The following MINDY4 variants were observed in gnomAD, a reference collection of about 807,000 sequenced individuals.
MINDY4 encodes MINDY lysine 48 deubiquitinase 4, also known as probable ubiquitin carboxyl-terminal hydrolase MINDY-4.
In MINDY4, 68 loss-of-function variants were observed where a neutral mutation model predicts 87.0. The ratio of observed to expected loss-of-function variants is 0.78; its 90% CI spans 0.64 to 0.96. MINDY4 has a LOEUF of 0.96. MINDY4 is among the 40% of genes least tolerant of loss of function. The pLI is 0.00. For synonymous variants in MINDY4, 379 were observed against 363.2 expected, an observed-to-expected ratio of 1.04 and a Z score of -0.50; for missense variants, 919 against 928.2, an observed-to-expected ratio of 0.99 and a Z score of 0.13.
At chr7:30,849,817 C>CT (rs747313673) in intron 9 of MINDY4, among the ~76,000 whole-genome samples, 1 of 152,218 alleles carries the variant, frequency 6.6e-6, no homozygotes, top group Non-Finnish European at 1.5e-5. Context: ...AAGTGTGACT[C>CT]TTTATCTTCT....
At chr7:30,773,609 CT>C (rs1350532459) in intron 1 of MINDY4, among the ~76,000 whole-genome samples, 1 of 152,142 alleles carries the variant, frequency 6.6e-6, no homozygotes, top group African/African-American at 2.4e-5. Flanking sequence ...TGAGGTGACT[CT>C]TCTGCTGCCC....
At chr7:30,835,288 T>C (rs1004066088) in intron 6 of MINDY4, among the ~76,000 whole-genome samples, 1 of 152,136 alleles carries the variant, frequency 6.6e-6, no homozygotes, top group Non-Finnish European at 1.5e-5. Flanking sequence ...AAAGAGAGCT[T>C]GTGCAGGCAA....
intron 11 of MINDY4, 115 bp from the exon 12 acceptor site, chr7:30,853,279 G>A (rs1011849055): frequency 8.8e-6 from 7 of 799,122 alleles, no homozygotes; most frequent in Non-Finnish European, 1.5e-5. Context: ...CTCTGACGCA[G>A]GGACATTCCC....
At chr7:30,890,850 T>G (rs941576803) in intron 17 of MINDY4, among the ~76,000 whole-genome samples, 3 of 152,116 alleles carry the variant, frequency 2.0e-5, no homozygotes, top group Non-Finnish European at 4.4e-5. Flanking sequence ...GTTCCAAGCC[T>G]TCTGTTGGAA....
At chr7:30,793,259 GT>G (rs1259708398) in intron 5 of MINDY4, among the ~76,000 whole-genome samples, 1 of 151,200 alleles carries the variant, frequency 6.6e-6, no homozygotes, top group East Asian at 1.9e-4. Context: ...TAAACAGCAT[GT>G]ATTTGGAACT....
chr7:30,791,645 A>T, intron 5 of MINDY4, 71 bp downstream of exon 5: 1 of 1,457,428 alleles, frequency 6.9e-7, no homozygotes, highest in Non-Finnish European at 9.2e-7. Flanking sequence ...TCTAGTCCCT[A>T]ATGGCTCCGA....
At chr7:30,884,353 T>C (rs1790567225) in intron 17 of MINDY4, among the ~76,000 whole-genome samples, 1 of 152,208 alleles carries the variant, frequency 6.6e-6, no homozygotes, top group Admixed American at 6.5e-5. Context: ...TGAAGCATTC[T>C]TGCAGGGTCA....
intron 9 of MINDY4, among the ~76,000 whole-genome samples, chr7:30,841,352 A>G (rs955343526): frequency 5.9e-5 from 9 of 152,262 alleles, no homozygotes; most frequent in African/African-American, 2.2e-4. Context: ...CATTCAGCAC[A>G]CATTCCTGGA....
In MINDY4 at chr7:30,785,821, C is replaced by G. The variant is rs763084268; in HGVS notation, c.492C>G (p.Pro164=). The change falls in exon 4 of 18, where the codon CCC becomes CCG. Residue 164 remains proline (P), a synonymous_variant. Transcript: ENST00000265299. The part of the protein sequence containing the change: ...SSKRPPHKSK[P]MQTVPGETPV... ...AAAGGCCCCCGCACAAAAGTAAGCC[C>G]ATGCAGACGGTCCCGGGTGAAACTC... 1 of 1,614,200 alleles carries G rather than the reference C, an allele frequency of 6.2e-7. No individual in the cohort carries two copies. Among genetic ancestry groups the G allele is most frequent in the African/African-American group, 1.3e-5 (1 of 75,032 alleles).
chr7:30,831,498 C>T (rs916413493), intron 6 of MINDY4, among the ~76,000 whole-genome samples: 1 of 152,108 alleles, frequency 6.6e-6, no homozygotes, highest in Non-Finnish European at 1.5e-5. Context: ...AGAAAGGCAA[C>T]AGGGGGGCAG....
chr7:30,852,404 C>T (rs910799031), intron 11 of MINDY4, 125 bp downstream of exon 11: 9 of 1,519,540 alleles, frequency 5.9e-6, no homozygotes, highest in Non-Finnish European at 8.0e-6. Context: ...TCCCAGGAAT[C>T]CTCATCCTGG....
At position 30,771,519 on chromosome 7, in the gene MINDY4, T is replaced by C; in HGVS notation, c.26T>C (p.Val9Ala). 1 of 1,605,292 alleles carries C rather than the reference T, an allele frequency of 6.2e-7. No homozygotes were observed. Among genetic ancestry groups the C allele is most frequent in the Non-Finnish European group, 8.5e-7 (1 of 1,177,048 alleles). Reference protein sequence around the residue: MDSLFVEEVAASLVREFLS... With the variant: MDSLFVEEAAASLVREFLS... ...ATGGACAGCCTCTTCGTGGAGGAGGTGGCCGCCTCCTTGGTCAGGGAGTTC... is the reference window on the plus strand; with the variant it reads ...ATGGACAGCCTCTTCGTGGAGGAGGCGGCCGCCTCCTTGGTCAGGGAGTTC... Residue 9 changes from valine (V) to alanine (A), a missense_variant, in exon 1 of 18, where the codon GTG becomes GCG. Val to Ala is a moderately conservative substitution (Grantham distance 64, BLOSUM62 0). Transcript: ENST00000265299.
rs1043396504 is a variant in MINDY4 at position 30,849,916 on chromosome 7, G to T, written c.1446-538G>T. 3.3e-5 allele frequency among the ~76,000 whole-genome samples: 5 copies of T among 152,306 alleles called. No homozygotes were observed. In the South Asian group the frequency reaches 8.3e-4, roughly 25 times the overall value. On this transcript the variant is annotated intron_variant, in intron 9 of 17. Coordinates refer to ENST00000265299, the MANE Select transcript of MINDY4 (RefSeq NM_032222.3). Reference sequence around the variant, plus strand: ...CACTCAAAACACAGAGCTCATCCTTGAATCTGTCCTGCCACTCATCCCCCA... The same window carrying T: ...CACTCAAAACACAGAGCTCATCCTTTAATCTGTCCTGCCACTCATCCCCCA...
At chr7:30,834,282 C>G (rs539277235) in intron 6 of MINDY4, among the ~76,000 whole-genome samples, 1 of 152,248 alleles carries the variant, frequency 6.6e-6, no homozygotes, top group African/African-American at 2.4e-5. Context: ...AACCTCAATT[C>G]TTGACTTCTG....
At chr7:30,837,213 C>T (rs1788883607) in intron 7 of MINDY4, among the ~76,000 whole-genome samples, 1 of 152,152 alleles carries the variant, frequency 6.6e-6, no homozygotes, top group South Asian at 2.1e-4. Flanking sequence ...ACTTAAAGGG[C>T]CCCGTGGTCA....
intron 13 of MINDY4, among the ~76,000 whole-genome samples, chr7:30,861,755 T>C (rs576691160): frequency 1.3e-5 from 2 of 152,200 alleles, no homozygotes; most frequent in African/African-American, 2.4e-5. Context: ...TGGCTCTGTG[T>C]GTCTTCTTGT....
intron 1 of MINDY4, among the ~76,000 whole-genome samples, chr7:30,774,259 A>G (rs1218156988): frequency 6.6e-6 from 1 of 152,196 alleles, no homozygotes; most frequent in African/African-American, 2.4e-5. Flanking sequence ...GGCTCCCACT[A>G]CCACACTTAC....
chr7:30,785,919 G>A lies in MINDY4; in HGVS notation c.590G>A (p.Gly197Glu), dbSNP rs1584236004. The change falls in exon 4 of 18, where the codon GGA becomes GAA. Residue 197 changes from glycine (G) to glutamate (E), a missense_variant. Coordinates refer to ENST00000265299, the MANE Select transcript of MINDY4 (RefSeq NM_032222.3). Reference sequence around the variant, plus strand: ...CCTTCCTTGGATGTGAAGAGGATGGGAGAGAATTCCAGGCCAAAGTCTGGT... The same window carrying A: ...CCTTCCTTGGATGTGAAGAGGATGGAAGAGAATTCCAGGCCAAAGTCTGGT... ...SEPSLDVKRMGENSRPKSGLI... is the reference protein window; with the variant it reads ...SEPSLDVKRMEENSRPKSGLI... 1 of 1,614,234 alleles carries A rather than the reference G, an allele frequency of 6.2e-7. No homozygotes were observed. Among genetic ancestry groups the A allele is most frequent in the Non-Finnish European group, 8.5e-7 (1 of 1,180,056 alleles).
chr7:30,801,566 A>T (rs1187879406), intron 5 of MINDY4, among the ~76,000 whole-genome samples: 1 of 152,018 alleles, frequency 6.6e-6, no homozygotes, highest in Non-Finnish European at 1.5e-5. Flanking sequence ...CCCCCAGTCC[A>T]CAGTGGAATG....
Sources: gnomAD v4.1 joint callset for allele counts (sites outside exome capture counted in the v4.1 genomes callset) on GRCh38, gnomAD v4.1.1 for gene constraint, MANE v1.5 for transcripts, NCBI Gene and HGNC (gene_info 2026-07-23, HGNC 2026-07-21) for gene names.